Variants in TMEM135 observed in about 807,000 individuals in gnomAD.
TMEM135 encodes peroxisomal membrane protein 52.
TMEM135 carries 30 observed loss-of-function variants against 60.3 expected under a neutral mutation model. The observed-to-expected ratio is 0.50, with a 90% CI of 0.37 to 0.68. The LOEUF (loss-of-function observed/expected upper bound fraction) is 0.68, where lower values mean the gene tolerates loss of function less well. Among genes scored for constraint, TMEM135 ranks in the 30% least tolerant of loss-of-function variants. TMEM135 has a pLI of 0.00. For missense variants in TMEM135, 468 were observed against 548.8 expected (o/e 0.85, Z 1.47); for synonymous variants, 190 against 186.7 (o/e 1.02, Z -0.14).
In TMEM135 at chr11:87,322,317, A is replaced by G. The variant is rs536887158; in HGVS notation, c.*984A>G. On this transcript the variant is annotated 3_prime_UTR_variant, in exon 15 of 15. Transcript: ENST00000305494. ...TTATGTAATGGATGTTTTGCACCTG[A>G]AAACACTATAAAAATCCAGTGGTTG... 17 of 454,068 alleles carry G rather than the reference A, an allele frequency of 3.7e-5. No individual in the cohort carries two copies. The highest frequency in any genetic ancestry group is 3.4e-4 in the African/African-American group (17 of 50,112). The allele number at this position is 454,068 out of a possible 1,614,324, so 28.1% of individuals were successfully genotyped here. A position where few individuals can be genotyped will look rare whatever the true frequency, so the allele number is the denominator to read the frequency against.
At chr11:87,280,684 A>T (rs1335541279) in intron 6 of TMEM135, among the ~76,000 whole-genome samples, 1 of 152,146 alleles carries the variant, frequency 6.6e-6, no homozygotes, top group African/African-American at 2.4e-5. Flanking sequence ...TCATTATTTG[A>T]TTGTACCTAT....
intron 1 of TMEM135, among the ~76,000 whole-genome samples, chr11:87,045,398 C>T (rs1228349817): frequency 6.6e-6 from 1 of 152,132 alleles, no homozygotes; most frequent in Admixed American, 6.5e-5. Context: ...ACTACAGCCT[C>T]TAGCATGTCG....
intron 6 of TMEM135, among the ~76,000 whole-genome samples, chr11:87,263,365 C>A (rs1289827787): frequency 2.6e-5 from 4 of 152,150 alleles, no homozygotes; most frequent in Admixed American, 6.5e-5. Context: ...ATCATCATCA[C>A]TGTCCTCTTC....
intron 5 of TMEM135, among the ~76,000 whole-genome samples, chr11:87,175,435 A>G (rs953498487): frequency 1.3e-5 from 2 of 152,206 alleles, no homozygotes; most frequent in Non-Finnish European, 2.9e-5. Context: ...AAAATATCAG[A>G]TCATAATGTT....
intron 5 of TMEM135, among the ~76,000 whole-genome samples, chr11:87,223,313 A>C (rs1173647613): frequency 6.6e-6 from 1 of 151,530 alleles, no homozygotes; most frequent in Non-Finnish European, 1.5e-5. Flanking sequence ...TACAGGCGCC[A>C]GCCACCATGC....
At chr11:87,075,437 C>T (rs1195187021) in intron 3 of TMEM135, among the ~76,000 whole-genome samples, 2 of 152,004 alleles carry the variant, frequency 1.3e-5, no homozygotes, top group Non-Finnish European at 2.9e-5. Context: ...TACAGGCGTT[C>T]GCCACTGCAC....
intron 4 of TMEM135, among the ~76,000 whole-genome samples, chr11:87,126,434 T>G (rs1937731807): frequency 1.3e-5 from 2 of 151,918 alleles, no homozygotes; most frequent in African/African-American, 4.8e-5. Context: ...TATTCATCCT[T>G]TCAATAAAAA....
chr11:87,189,518 A>G (rs1939746403), intron 5 of TMEM135, among the ~76,000 whole-genome samples: 1 of 152,180 alleles, frequency 6.6e-6, no homozygotes, highest in Non-Finnish European at 1.5e-5. Context: ...TGAGGATGGC[A>G]GACAGAATAT....
At chr11:87,294,875 A>AT (rs35000467) in intron 6 of TMEM135, among the ~76,000 whole-genome samples, 40,876 of 151,976 alleles carry the variant, frequency 0.27, 5,884 homozygotes, top group South Asian at 0.36. Flanking sequence ...TTGTTTAAAT[A>AT]TTTTTTTGCA....
chr11:87,214,830 T>C (rs1940461897), intron 5 of TMEM135, among the ~76,000 whole-genome samples: 1 of 152,188 alleles, frequency 6.6e-6, no homozygotes, highest in South Asian at 2.1e-4. Context: ...AGTTAAGATG[T>C]GTTAGCAGCC....
intron 4 of TMEM135, among the ~76,000 whole-genome samples, chr11:87,124,539 T>C (rs1012918367): frequency 2.0e-5 from 3 of 152,164 alleles, no homozygotes; most frequent in African/African-American, 7.2e-5. Context: ...AACTCAGTTT[T>C]TTTTCAATGA....
chr11:87,305,177 ATGT>A (rs1942517469), intron 8 of TMEM135, among the ~76,000 whole-genome samples: 1 of 152,128 alleles, frequency 6.6e-6, no homozygotes, highest in South Asian at 2.1e-4. Context: ...TAACCTGAGC[ATGT>A]TCTCATTATG....
chr11:87,120,402 T>C (rs1858020282), intron 4 of TMEM135, among the ~76,000 whole-genome samples: 2 of 151,744 alleles, frequency 1.3e-5, no homozygotes, highest in Admixed American at 1.3e-4. Context: ...ACCACTGTTC[T>C]GGACTACTTT....
intron 5 of TMEM135, among the ~76,000 whole-genome samples, chr11:87,198,052 G>C (rs188087614): frequency 2.6e-4 from 40 of 152,132 alleles, no homozygotes; most frequent in African/African-American, 9.6e-4. Flanking sequence ...CCATCACCTT[G>C]AGTGTTTATC....
rs928353133 is a variant in TMEM135 at position 87,158,214 on chromosome 11, C to A, written c.462+808C>A. Among the ~76,000 whole-genome samples the A allele has an allele frequency of 1.6e-4, 24 of 152,098 alleles. 1 individual carries two copies. The highest frequency in any genetic ancestry group is 1.6e-3 in the Admixed American group (24 of 15,260). On this transcript the variant is annotated intron_variant, in intron 5 of 14. Transcript: ENST00000305494. ...GTGCCGGCATTACAGGCATGAGCCACCATGCCTAGCCCTTAGAATTCCCTA... is the reference window on the plus strand; with the variant it reads ...GTGCCGGCATTACAGGCATGAGCCAACATGCCTAGCCCTTAGAATTCCCTA...
chr11:87,280,325 G>T (rs1352029187), intron 6 of TMEM135, among the ~76,000 whole-genome samples: 2 of 152,146 alleles, frequency 1.3e-5, no homozygotes, highest in Non-Finnish European at 2.9e-5. Flanking sequence ...TTAAACATAG[G>T]TCTGGTTATG....
At chr11:87,103,353 C>A (rs2445544) in intron 4 of TMEM135, among the ~76,000 whole-genome samples, 83,263 of 151,942 alleles carry the variant, frequency 0.55, 23,618 homozygotes, top group East Asian at 0.71. Flanking sequence ...ACTTTGTTAT[C>A]TTTTGACTTT....
At chr11:87,236,573 T>A (rs1565496507) in intron 5 of TMEM135, 65 bp from the exon 6 acceptor site, 1 of 1,442,680 alleles carries the variant, frequency 6.9e-7, no homozygotes, top group Non-Finnish European at 9.7e-7. Context: ...ATTTTGCTTT[T>A]ATGAGTCACT....
intron 4 of TMEM135, among the ~76,000 whole-genome samples, chr11:87,102,454 G>A (rs1358680624): frequency 6.6e-6 from 1 of 152,016 alleles, no homozygotes; most frequent in Non-Finnish European, 1.5e-5. Flanking sequence ...TATAGGAACT[G>A]GAACTATCAT....
Sources: allele counts gnomAD v4.1 joint callset (sites outside exome capture counted in the v4.1 genomes callset), GRCh38; gene constraint gnomAD v4.1.1; transcripts MANE v1.5; gene names NCBI Gene and HGNC (gene_info 2026-07-23, HGNC 2026-07-21).